Variants in PCDH9 observed in about 807,000 individuals in gnomAD.
PCDH9 encodes the protein protocadherin-9.
Under a neutral mutation model 70.6 loss-of-function variants are expected in PCDH9, and 24 were observed. The observed-to-expected ratio is 0.34, with a 90% confidence interval of 0.25 to 0.48. The LOEUF (loss-of-function observed/expected upper bound fraction) is 0.48. Among genes scored for constraint, PCDH9 ranks in the 20% least tolerant of loss-of-function variants. The pLI is 0.99. For synonymous variants in PCDH9, 562 were observed against 558.5 expected, an observed-to-expected ratio of 1.01 and a Z score of -0.09; for missense variants, 1,281 against 1,503.6, an observed-to-expected ratio of 0.85 and a Z score of 2.45.
At chr13:66,894,744 C>T (rs980785502) in intron 3 of PCDH9, among the ~76,000 whole-genome samples, 1 of 152,060 alleles carries the variant, frequency 6.6e-6, no homozygotes, top group African/African-American at 2.4e-5. Context: ...TAAAATATCA[C>T]TCACTGTTAG....
intron 2 of PCDH9, among the ~76,000 whole-genome samples, chr13:67,174,270 TGATA>T (rs1251807587): frequency 6.6e-6 from 1 of 151,686 alleles, no homozygotes; most frequent in Non-Finnish European, 1.5e-5. Context: ...GATAGATAGA[TGATA>T]GATAGCTAGA....
At position 67,040,335 on chromosome 13, in the gene PCDH9, G is replaced by A. The variant is rs373918946; in HGVS notation, c.3037-136730C>T. 1.2e-4 allele frequency among the ~76,000 whole-genome samples: 18 copies of A among 152,182 alleles called. No homozygotes were observed. The South Asian group carries it at 1.2e-3, about 11-fold the overall frequency. Reference sequence around the variant, plus strand: ...TATAAAAGTGACCCTGAAACTGCTCGTGGTGGTAAACACCTGCTAGTCCCA... The same window carrying A: ...TATAAAAGTGACCCTGAAACTGCTCATGGTGGTAAACACCTGCTAGTCCCA... On this transcript the variant is annotated intron_variant, in intron 2 of 4. Transcript: ENST00000377865.
At chr13:66,952,413 C>T (rs1400082153) in intron 2 of PCDH9, among the ~76,000 whole-genome samples, 2 of 152,278 alleles carry the variant, frequency 1.3e-5, no homozygotes, top group Non-Finnish European at 2.9e-5. Context: ...AATACATGAA[C>T]GTACCTAGCA....
chr13:66,509,762 C>G (rs1593596865), intron 4 of PCDH9, among the ~76,000 whole-genome samples: 2 of 152,048 alleles, frequency 1.3e-5, no homozygotes, highest in African/African-American at 2.4e-5. Flanking sequence ...CTGCAATAGT[C>G]TTAAATAAAG....
At chr13:66,727,145 G>A (rs1457957034) in intron 3 of PCDH9, among the ~76,000 whole-genome samples, 1 of 152,064 alleles carries the variant, frequency 6.6e-6, no homozygotes, top group East Asian at 1.9e-4. Context: ...GCACACACCT[G>A]TAGTCCTAGC....
At position 67,228,427 on chromosome 13, in the gene PCDH9, T is replaced by C; in HGVS notation, c.14A>G (p.Asp5Gly). The C allele has an allele frequency of 6.3e-7, 1 of 1,580,162 alleles. No individual in the cohort carries two copies. ...AATCAGAGCAGCCAACAGGTAAAAA[T>C]CCCTCAGGTCCATGATAATGTATTT... is the stretch of plus-strand genomic sequence containing the variant. MDLR[D>G]FYLLAALIAC... The change falls in exon 2 of 5, where the codon GAT becomes GGT. Residue 5 changes from aspartate to glycine, a missense_variant. Asp to Gly is a moderately conservative substitution (Grantham distance 94). Coordinates refer to ENST00000377865, the MANE Select transcript of PCDH9 (RefSeq NM_203487.3).
chr13:67,079,952 A>T (rs561828394), intron 2 of PCDH9, among the ~76,000 whole-genome samples: 1 of 152,278 alleles, frequency 6.6e-6, no homozygotes, highest in African/African-American at 2.4e-5. Context: ...AAACCCACCT[A>T]TGATCTCCCC....
chr13:66,956,335 C>T (rs957284670), intron 2 of PCDH9, among the ~76,000 whole-genome samples: 3 of 152,102 alleles, frequency 2.0e-5, no homozygotes, highest in Non-Finnish European at 4.4e-5. Context: ...TGTTAAATAG[C>T]CCCCAAGGTG....
At chr13:66,720,324 T>C (rs934102380) in intron 3 of PCDH9, among the ~76,000 whole-genome samples, 19 of 36,864 alleles carry the variant, frequency 5.2e-4, no homozygotes, top group African/African-American at 1.2e-3. Context: ...TTTTGCTTTT[T>C]TGTTTTTTTT....
chr13:66,353,894 C>T (rs1008607825), intron 4 of PCDH9, among the ~76,000 whole-genome samples: 4 of 152,118 alleles, frequency 2.6e-5, no homozygotes, highest in Non-Finnish European at 5.9e-5. Flanking sequence ...AAAAATTCCA[C>T]CTGGCACTAG....
chr13:66,765,082 C>CTCTCTT (rs2079692988), intron 3 of PCDH9, among the ~76,000 whole-genome samples: 1 of 6,950 alleles, frequency 1.4e-4, no homozygotes, highest in Non-Finnish European at 7.7e-4. Flanking sequence ...CTCTGTCTGT[C>CTCTCTT]TCTCTCTCTC....
chr13:67,156,965 C>T (rs965488258), intron 2 of PCDH9, among the ~76,000 whole-genome samples: 5 of 152,204 alleles, frequency 3.3e-5, no homozygotes, highest in African/African-American at 4.8e-5. Context: ...CAATATAACC[C>T]TCTGGCCTAT....
At chr13:66,426,154 ACCTT>A (rs1957665677) in intron 4 of PCDH9, among the ~76,000 whole-genome samples, 1 of 151,484 alleles carries the variant, frequency 6.6e-6, no homozygotes, top group African/African-American at 2.4e-5. Context: ...CCAAATGGAT[ACCTT>A]AATCTATTCA....
intron 2 of PCDH9, among the ~76,000 whole-genome samples, chr13:67,115,885 G>T (rs9541008): frequency 0.11 from 16,451 of 151,866 alleles, 946 homozygotes; most frequent in Non-Finnish European, 0.12. Context: ...TCCTATATCC[G>T]CTTTCAAATT....
intron 4 of PCDH9, among the ~76,000 whole-genome samples, chr13:66,590,366 T>G (rs1347501874): frequency 6.6e-5 from 10 of 151,870 alleles, no homozygotes; most frequent in Non-Finnish European, 1.5e-4. Context: ...GATTAATAAC[T>G]CCAACTAATA....
At chr13:66,754,962 A>C (rs564458726) in intron 3 of PCDH9, among the ~76,000 whole-genome samples, 9 of 150,044 alleles carry the variant, frequency 6.0e-5, no homozygotes, top group Non-Finnish European at 1.0e-4. Context: ...GGAAAAAATT[A>C]TATGAATTAT....
intron 2 of PCDH9, among the ~76,000 whole-genome samples, chr13:67,180,605 T>G (rs1014973739): frequency 6.6e-6 from 1 of 152,184 alleles, no homozygotes; most frequent in East Asian, 1.9e-4. Context: ...GCATGGCCTA[T>G]GTCCATTTAA....
intron 4 of PCDH9, among the ~76,000 whole-genome samples, chr13:66,602,693 G>A (rs980091217): frequency 1.4e-5 from 2 of 145,522 alleles, no homozygotes; most frequent in Non-Finnish European, 3.1e-5. Context: ...TGCGGCCTAA[G>A]TGTATATTCT....
At chr13:66,909,005 C>T (rs1334037271) in intron 2 of PCDH9, among the ~76,000 whole-genome samples, 2 of 151,362 alleles carry the variant, frequency 1.3e-5, no homozygotes, top group African/African-American at 4.9e-5. Flanking sequence ...ATAGGCAGAC[C>T]CTAAAATGAT....
Sources: gnomAD v4.1 joint callset for allele counts (sites outside exome capture counted in the v4.1 genomes callset) on GRCh38, gnomAD v4.1.1 for gene constraint, MANE v1.5 for transcripts, NCBI Gene and HGNC (gene_info 2026-07-23, HGNC 2026-07-21) for gene names.